The following PAK4 variants were observed in gnomAD, a reference collection of about 807,000 sequenced individuals.
PAK4 encodes p21 (RAC1) activated kinase 4, also known as serine/threonine-protein kinase PAK 4.
A neutral mutation model predicts 53.5 loss-of-function variants in PAK4; 49 were observed. The observed-to-expected ratio is 0.92, with a 90% CI of 0.73 to 1.16. PAK4 has a LOEUF of 1.16. Ranked by LOEUF, PAK4 falls within the 50% of genes most tolerant of loss-of-function variation. The probability of loss-of-function intolerance (pLI) is 0.00; values close to 1 mark genes in which losing one functional copy is unlikely to be tolerated. For missense variants in PAK4, 824 were observed against 850.7 expected, an observed-to-expected ratio of 0.97 and a Z score of 0.39; for synonymous variants, 376 against 375.6, an observed-to-expected ratio of 1.00 and a Z score of -0.01.
intron 1 of PAK4, among the ~76,000 whole-genome samples, chr19:39,154,935 A>T (rs138945515): frequency 3.9e-5 from 6 of 152,288 alleles, no homozygotes; most frequent in African/African-American, 1.4e-4. Flanking sequence ...CAGGGGGTGG[A>T]CAGAGGTGGG....
At chr19:39,126,431 G>A (rs954554000) in intron 1 of PAK4, among the ~76,000 whole-genome samples, 2 of 129,942 alleles carry the variant, frequency 1.5e-5, no homozygotes, top group South Asian at 3.0e-4. Flanking sequence ...CAAGGAGGGC[G>A]TATTGCGGGG....
Position 39,137,984 on chromosome 19 carries a change from T to G in PAK4, c.-23+12065T>G, listed in dbSNP as rs528952392. Among the ~76,000 whole-genome samples the G allele has an allele frequency of 4.0e-3, 522 of 131,088 alleles. 4 individuals carry two copies. The highest frequency in any genetic ancestry group is 6.1e-3 in the Non-Finnish European group (375 of 61,530). 86.0% of individuals were successfully genotyped at this position (131,088 alleles called of 152,430 possible). On this transcript the variant is annotated intron_variant, in intron 1 of 8. Transcript: ENST00000358301. ...CCTAGTGTCTTAGCCATTCCTGAGGTTTTTTTTTTTTTTTTGAGACAGGGT... is the reference window on the plus strand; with the variant it reads ...CCTAGTGTCTTAGCCATTCCTGAGGGTTTTTTTTTTTTTTTGAGACAGGGT...
At chr19:39,147,816 T>C (rs921011877) in intron 1 of PAK4, among the ~76,000 whole-genome samples, 4 of 151,578 alleles carry the variant, frequency 2.6e-5, no homozygotes, top group African/African-American at 9.7e-5. Context: ...TCTGCTCATT[T>C]TCTTATTGGA....
chr19:39,174,349 T>C (rs893409045), intron 4 of PAK4, among the ~76,000 whole-genome samples: 8 of 151,376 alleles, frequency 5.3e-5, no homozygotes, highest in East Asian at 2.0e-4. Context: ...CTGGGTTCCC[T>C]GTGCCCCGCC....
At chr19:39,172,895 C>G in intron 2 of PAK4, 23 bp from the exon 4 acceptor site, 1 of 1,506,868 alleles carries the variant, frequency 6.6e-7, no homozygotes, top group Non-Finnish European at 8.9e-7. Flanking sequence ...TGGGCCCCCA[C>G]CCACCATTGC....
intron 1 of PAK4, among the ~76,000 whole-genome samples, chr19:39,147,842 T>A (rs1360933758): frequency 1.4e-5 from 1 of 70,434 alleles, no homozygotes; most frequent in Admixed American, 1.5e-4. Flanking sequence ...TGTTTTCGGG[T>A]TTTTTTTTTT....
intron 1 of PAK4, among the ~76,000 whole-genome samples, chr19:39,128,675 A>G (rs1354899958): frequency 6.6e-6 from 1 of 152,110 alleles, no homozygotes; most frequent in Non-Finnish European, 1.5e-5. Context: ...CTGGGACAGA[A>G]CACACCGTGA....
At chr19:39,147,314 GGTGCATCCGCATT>G (rs2074017189) in intron 1 of PAK4, among the ~76,000 whole-genome samples, 1 of 152,170 alleles carries the variant, frequency 6.6e-6, no homozygotes, top group African/African-American at 2.4e-5. Context: ...ATTCTCTGGA[GGTGCATCCGCATT>G]GTGGTGCTGA....
intron 1 of PAK4, among the ~76,000 whole-genome samples, chr19:39,158,143 G>C (rs573739599): frequency 2.7e-5 from 4 of 150,856 alleles, no homozygotes; most frequent in African/African-American, 9.8e-5. Context: ...ATGTGTGAGC[G>C]TGCGTGTGTG....
In PAK4 at chr19:39,178,323, G is replaced by A; in HGVS notation, c.1621-101G>A. 7.5e-7 allele frequency: 1 copy of A among 1,335,876 alleles called. No homozygotes were observed. The highest frequency in any genetic ancestry group is 1.0e-6 in the Non-Finnish European group (1 of 973,542). The allele number at this position is 1,335,876 out of a possible 1,614,324, so 82.8% of individuals were successfully genotyped here. ...CCTCCGCCCCCTGCCCTCCTGCACA[G>A]TACATGCCGCCAGCCGACTTGGCAG... On this transcript the variant is annotated intron_variant, in intron 8 of 8. Coordinates refer to ENST00000358301, the Ensembl canonical transcript of PAK4. The surrounding 1 kb of genome is among the most constrained non-coding windows in gnomAD (Gnocchi z 4.4).
At chr19:39,134,598 A>G (rs1323689942) in intron 1 of PAK4, among the ~76,000 whole-genome samples, 1 of 151,454 alleles carries the variant, frequency 6.6e-6, no homozygotes, top group Non-Finnish European at 1.5e-5. Flanking sequence ...GTTGCTGTAT[A>G]ATATTCTTTT....
At chr19:39,144,166 T>TTAGA (rs57079317) in intron 1 of PAK4, among the ~76,000 whole-genome samples, 7 of 134,768 alleles carry the variant, frequency 5.2e-5, no homozygotes, top group South Asian at 2.5e-4. Flanking sequence ...ATAGATTAGA[T>TTAGA]TAGATAGATA....
rs2074285655 is a variant in PAK4, at chr19:39,161,613, T to A, written c.-22-7919T>A. On this transcript the variant is annotated intron_variant, in intron 1 of 8. Coordinates refer to ENST00000358301, the Ensembl canonical transcript of PAK4. The surrounding 1 kb of genome is among the most constrained non-coding windows in gnomAD (Gnocchi z 4.5). ...CAGCCAGTGGGAGCCTGTGAACTCC[T>A]GAGTCAGGCGGTGGCCCTCCTGGGC... Among the ~76,000 whole-genome samples the A allele has an allele frequency of 6.6e-6, 1 of 152,020 alleles. No homozygotes were observed. The highest frequency in any genetic ancestry group is 6.5e-5 in the Admixed American group (1 of 15,268).
At chr19:39,149,282 G>A (rs2074056055) in intron 1 of PAK4, among the ~76,000 whole-genome samples, 1 of 152,168 alleles carries the variant, frequency 6.6e-6, no homozygotes, top group South Asian at 2.1e-4. Flanking sequence ...ACAAAAGATG[G>A]TATACATGAT....
chr19:39,128,627 G>C (rs2073636779), intron 1 of PAK4, among the ~76,000 whole-genome samples: 1 of 152,246 alleles, frequency 6.6e-6, no homozygotes, highest in Admixed American at 6.5e-5. Context: ...AGGGCTTTCA[G>C]TATAATGAAA....
Position 39,175,381 on chromosome 19 carries a change from G to T in PAK4, c.1302G>T (p.Gln434His), listed in dbSNP as rs1182917940. ...AGGCCCTGTCGGTGCTCCACGCCCA[G>T]GGCGTCATCCACCGGGACATCAAGA... The change falls in exon 6 of 9, where the codon CAG (glutamine) becomes CAT (histidine). Residue 434 changes from glutamine (Q) to histidine (H), a missense_variant. Gln to His is a conservative substitution (Grantham distance 24). This residue lies in a region of PAK4 where 346 missense variants were observed against 415.0 expected (regional missense o/e 0.83). Transcript: ENST00000358301. This position sits in a 1 kb window ranked among gnomAD's most constrained non-coding sequence, Gnocchi z 4.7. 1 of 1,610,622 alleles carries T rather than the reference G, an allele frequency of 6.2e-7. No individual in the cohort carries two copies. Among genetic ancestry groups the T allele is most frequent in the African/African-American group, 1.3e-5 (1 of 74,904 alleles).
chr19:39,130,036 C>A (rs1040706776), intron 1 of PAK4, among the ~76,000 whole-genome samples: 2 of 150,950 alleles, frequency 1.3e-5, no homozygotes, highest in African/African-American at 4.9e-5. Flanking sequence ...ACGGTGACAG[C>A]CCAGAGAGGC....
Position 39,175,741 on chromosome 19 carries a change from A to G in PAK4, c.1359+303A>G, listed in dbSNP as rs977904988. Among the ~76,000 whole-genome samples, 1 of 152,094 alleles carries G rather than the reference A, an allele frequency of 6.6e-6. No homozygotes were observed. The highest frequency in any genetic ancestry group is 2.4e-5 in the African/African-American group (1 of 41,412). On this transcript the variant is annotated intron_variant, in intron 6 of 8. Transcript: ENST00000358301. The surrounding 1 kb of genome is among the most constrained non-coding windows in gnomAD (Gnocchi z 4.7). ...GCCACAGGCTTCTTCCTCCACTGAA[A>G]AGCTGCTCCCTGCCCAGCACCCAGG...
chr19:39,162,451 A>G (rs1037021388), intron 1 of PAK4, among the ~76,000 whole-genome samples: 1 of 152,126 alleles, frequency 6.6e-6, no homozygotes, highest in Non-Finnish European at 1.5e-5. Flanking sequence ...TTTTTGGGGT[A>G]GAGACAGGGT....
Sources: gnomAD v4.1 joint callset for allele counts (sites outside exome capture counted in the v4.1 genomes callset) on GRCh38, gnomAD v4.1.1 for gene constraint, gnomAD v4.1.1 regional missense constraint, Gnocchi (gnomAD v3.1) non-coding constraint, MANE v1.5 for transcripts, NCBI Gene and HGNC (gene_info 2026-07-23, HGNC 2026-07-21) for gene names.